Variants in GRIN2B observed in about 807,000 individuals in gnomAD.
GRIN2B encodes glutamate ionotropic receptor NMDA type subunit 2B.
Under a neutral mutation model 114.5 loss-of-function variants are expected in GRIN2B, and 5 were observed. That is an observed-to-expected ratio of 0.04 (90% CI 0.02 to 0.09). The LOEUF (loss-of-function observed/expected upper bound fraction) is 0.09. Ranked by LOEUF, GRIN2B falls within the 10% of genes least tolerant of loss-of-function variation. GRIN2B has a pLI of 1.00. For missense variants in GRIN2B, 1,108 were observed against 1,943.5 expected (o/e 0.57, Z 8.08); for synonymous variants, 787 against 745.1 (o/e 1.06, Z -0.92).
chr12:13,770,077 C>G (rs898408069), intron 3 of GRIN2B, among the ~76,000 whole-genome samples: 1 of 152,318 alleles, frequency 6.6e-6, no homozygotes, highest in East Asian at 1.9e-4. Context: ...GAAATTTCTC[C>G]TATCTTGCTC....
chr12:13,671,433 G>GT (rs1450957587), intron 5 of GRIN2B, among the ~76,000 whole-genome samples: 1 of 152,148 alleles, frequency 6.6e-6, no homozygotes, highest in African/African-American at 2.4e-5. Flanking sequence ...AACAAAATGT[G>GT]TAAGACTGTA....
At chr12:13,969,127 C>T (rs953096652) in intron 2 of GRIN2B, among the ~76,000 whole-genome samples, 1 of 152,234 alleles carries the variant, frequency 6.6e-6, no homozygotes, top group Non-Finnish European at 1.5e-5. Flanking sequence ...TCTCATCCTT[C>T]ATCCTCACTG....
At chr12:13,674,942 C>A (rs1950058303) in intron 5 of GRIN2B, among the ~76,000 whole-genome samples, 1 of 151,984 alleles carries the variant, frequency 6.6e-6, no homozygotes, top group African/African-American at 2.4e-5. Flanking sequence ...TATTTTTCAG[C>A]AAAATGTCTT....
At chr12:13,898,677 C>G (rs1192540909) in intron 2 of GRIN2B, among the ~76,000 whole-genome samples, 1 of 152,154 alleles carries the variant, frequency 6.6e-6, no homozygotes, top group African/African-American at 2.4e-5. Context: ...TTTAGGAGGC[C>G]AAGGCGGGTG....
chr12:13,768,188 C>T (rs1237353123), intron 3 of GRIN2B, among the ~76,000 whole-genome samples: 2 of 152,206 alleles, frequency 1.3e-5, no homozygotes, highest in African/African-American at 4.8e-5. Flanking sequence ...TTTTAGACTA[C>T]CTGCCCTGGT....
chr12:13,925,700 C>T (rs918168), intron 2 of GRIN2B, among the ~76,000 whole-genome samples: 35,675 of 151,916 alleles, frequency 0.23, 4,741 homozygotes, highest in Non-Finnish European at 0.3. Flanking sequence ...TCACCTTACT[C>T]CACCTTTCAT....
intron 2 of GRIN2B, among the ~76,000 whole-genome samples, chr12:13,879,194 T>C (rs1866034294): frequency 6.6e-6 from 1 of 152,182 alleles, no homozygotes; most frequent in East Asian, 1.9e-4. Context: ...GGAGTGTATT[T>C]ACACAAAGCT....
chr12:13,847,526 G>A (rs1865490489), intron 3 of GRIN2B, among the ~76,000 whole-genome samples: 1 of 152,100 alleles, frequency 6.6e-6, no homozygotes, highest in Admixed American at 6.5e-5. Context: ...GGCTACAGAG[G>A]GGCCTCAGCA....
intron 5 of GRIN2B, among the ~76,000 whole-genome samples, chr12:13,667,811 A>T: frequency 6.6e-6 from 1 of 152,200 alleles, no homozygotes; most frequent in East Asian, 1.9e-4. Context: ...GAAATTTTAA[A>T]ATATAACTGC....
intron 3 of GRIN2B, among the ~76,000 whole-genome samples, chr12:13,787,914 T>C (rs2268127): frequency 0.27 from 40,807 of 152,170 alleles, 6,305 homozygotes; most frequent in East Asian, 0.51. Flanking sequence ...AAATGGGGAT[T>C]GCAACCCCAG....
chr12:13,954,889 G>A (rs2136853686), intron 2 of GRIN2B, among the ~76,000 whole-genome samples: 1 of 142,928 alleles, frequency 7.0e-6, no homozygotes, highest in East Asian at 2.0e-4. Flanking sequence ...ATAATTTGTT[G>A]CAAAAGGGAA....
At chr12:13,627,840 G>A (rs1386320488) in intron 5 of GRIN2B, among the ~76,000 whole-genome samples, 3 of 152,204 alleles carry the variant, frequency 2.0e-5, no homozygotes, top group Non-Finnish European at 4.4e-5. Flanking sequence ...CCATGTGCCA[G>A]ACCCTGCTGC....
At chr12:13,630,618 G>A (rs1315153216) in intron 5 of GRIN2B, among the ~76,000 whole-genome samples, 1 of 152,134 alleles carries the variant, frequency 6.6e-6, no homozygotes, top group Non-Finnish European at 1.5e-5. Flanking sequence ...CTGATCCCCA[G>A]TACCAACACT....
At chr12:13,968,986 A>G (rs1867835172) in intron 2 of GRIN2B, among the ~76,000 whole-genome samples, 1 of 152,238 alleles carries the variant, frequency 6.6e-6, no homozygotes, top group Admixed American at 6.5e-5. Context: ...CTTCCCTCTT[A>G]GAGGAACCAG....
chr12:13,708,601 G>T (rs1950384415), intron 4 of GRIN2B, among the ~76,000 whole-genome samples: 4 of 152,020 alleles, frequency 2.6e-5, no homozygotes, highest in African/African-American at 9.7e-5. Flanking sequence ...AGGAGACATT[G>T]AATTTGTGGG....
intron 5 of GRIN2B, among the ~76,000 whole-genome samples, chr12:13,638,824 C>T (rs1356462497): frequency 6.6e-6 from 1 of 152,044 alleles, no homozygotes; most frequent in Non-Finnish European, 1.5e-5. Context: ...CATCCTACTC[C>T]ATCTATGGAA....
intron 4 of GRIN2B, among the ~76,000 whole-genome samples, chr12:13,733,854 TC>T (rs1863132752): frequency 6.6e-6 from 1 of 152,200 alleles, no homozygotes; most frequent in South Asian, 2.1e-4. Flanking sequence ...ATTCTTTCTT[TC>T]CAAGTAAGCA....
intron 2 of GRIN2B, among the ~76,000 whole-genome samples, chr12:13,930,721 C>T (rs945038544): frequency 3.9e-5 from 6 of 152,008 alleles, no homozygotes; most frequent in African/African-American, 1.2e-4. Context: ...GACATCAATC[C>T]CCGAGTGACA....
intron 4 of GRIN2B, among the ~76,000 whole-genome samples, chr12:13,697,026 G>T (rs1243806649): frequency 6.6e-6 from 1 of 152,088 alleles, no homozygotes; most frequent in Non-Finnish European, 1.5e-5. Flanking sequence ...AAAAGCAAAA[G>T]ACCTAGAAAC....
Sources: gnomAD v4.1 joint callset for allele counts (sites outside exome capture counted in the v4.1 genomes callset) on GRCh38, gnomAD v4.1.1 for gene constraint, MANE v1.5 for transcripts, NCBI Gene and HGNC (gene_info 2026-07-23, HGNC 2026-07-21) for gene names.